DMD: variants seen among roughly 807,000 people sequenced by gnomAD.
DMD encodes the protein mutant dystrophin.
A neutral mutation model predicts 330.1 loss-of-function variants in DMD; 63 were observed. That is an observed-to-expected ratio of 0.19 (90% CI 0.16 to 0.24). The LOEUF is 0.24. Among genes scored for constraint, DMD ranks in the 10% least tolerant of loss-of-function variants. The probability of loss-of-function intolerance (pLI) is 1.00; values close to 1 mark genes in which losing one functional copy is unlikely to be tolerated. For missense variants in DMD, 3,344 were observed against 2,684.1 expected, an observed-to-expected ratio of 1.25 and a Z score of -5.43; for synonymous variants, 1,223 against 959.8, an observed-to-expected ratio of 1.27 and a Z score of -5.07.
chrX:32,783,975 G>A (rs1349792898), intron 7 of DMD, among the ~76,000 whole-genome samples: 3 of 91,796 alleles, frequency 3.3e-5, no homozygotes, highest in East Asian at 3.7e-4. Flanking sequence ...ATTAATGTCA[G>A]TGCAGACATG....
intron 2 of DMD, among the ~76,000 whole-genome samples, chrX:32,879,008 A>C (rs1043695413): frequency 4.0e-5 from 4 of 100,489 alleles, no homozygotes; most frequent in Non-Finnish European, 6.1e-5. Flanking sequence ...ACTACGTCTC[A>C]AAAAAAAAAC....
intron 9 of DMD, among the ~76,000 whole-genome samples, chrX:32,677,642 C>G (rs1231675159): frequency 9.0e-6 from 1 of 111,549 alleles, no homozygotes; most frequent in African/African-American, 3.3e-5. Context: ...CTATAAAAAT[C>G]CTTCATGTGT....
At chrX:32,903,093 G>T (rs1436392666) in intron 2 of DMD, among the ~76,000 whole-genome samples, 5 of 89,632 alleles carry the variant, frequency 5.6e-5, no homozygotes, top group African/African-American at 1.8e-4. Flanking sequence ...GGAGGCGGAG[G>T]TTGCAGCCCA....
intron 13 of DMD, among the ~76,000 whole-genome samples, chrX:32,577,468 C>A (rs990301624): frequency 8.9e-6 from 1 of 112,001 alleles, no homozygotes; most frequent in African/African-American, 3.2e-5. Flanking sequence ...AATACCAACC[C>A]GTTAAAGAAT....
chrX:33,305,245 T>G (rs375561228), intron 1 of DMD, among the ~76,000 whole-genome samples: 10 of 106,171 alleles, frequency 9.4e-5, no homozygotes, highest in Non-Finnish European at 1.2e-4. Flanking sequence ...CCATAAAAAA[T>G]GATGAGTTCA....
At chrX:31,953,535 C>A in intron 45 of DMD, among the ~76,000 whole-genome samples, 1 of 111,683 alleles carries the variant, frequency 9.0e-6, no homozygotes, top group Non-Finnish European at 1.9e-5. Context: ...TTTAATTTAG[C>A]ATATGCCGTT....
intron 9 of DMD, among the ~76,000 whole-genome samples, chrX:32,648,562 T>C (rs1462040380): frequency 8.9e-6 from 1 of 111,803 alleles, no homozygotes; most frequent in African/African-American, 3.2e-5. Context: ...TATGTATATG[T>C]ATATATGTTC....
At chrX:33,099,631 G>A (rs1239320084) in intron 1 of DMD, among the ~76,000 whole-genome samples, 3 of 111,806 alleles carry the variant, frequency 2.7e-5, no homozygotes, top group African/African-American at 6.5e-5. Flanking sequence ...AACAAATTTT[G>A]TATGAACTTG....
At chrX:33,068,645 T>C (rs750439982) in intron 1 of DMD, among the ~76,000 whole-genome samples, 3 of 112,616 alleles carry the variant, frequency 2.7e-5, no homozygotes, top group Non-Finnish European at 5.6e-5. Context: ...CACACACATA[T>C]ACACAACACA....
chrX:33,014,674 G>T (rs2093765888), intron 2 of DMD, among the ~76,000 whole-genome samples: 1 of 111,090 alleles, frequency 9.0e-6, no homozygotes, highest in Admixed American at 9.6e-5. Context: ...AAAATATCAT[G>T]TTCTCAAGAA....
intron 60 of DMD, among the ~76,000 whole-genome samples, chrX:31,435,044 T>C (rs549805133): frequency 2.7e-5 from 3 of 111,513 alleles, no homozygotes; most frequent in African/African-American, 6.5e-5. Flanking sequence ...AGGCAGACTG[T>C]CTGGGTTCAA....
At chrX:31,933,957 C>A (rs2094890978) in intron 45 of DMD, among the ~76,000 whole-genome samples, 1 of 76,339 alleles carries the variant, frequency 1.3e-5, no homozygotes, top group South Asian at 4.6e-4. Context: ...GAATGATTAG[C>A]TATTTTTTTT....
chrX:32,121,620 CATATATATATAT>C (rs10535803), intron 44 of DMD, among the ~76,000 whole-genome samples: 914 of 36,416 alleles, frequency 0.025, 36 homozygotes, highest in Middle Eastern at 0.077. Context: ...AATATGTGTG[CATATATATATAT>C]ATATATATAT....
chrX:32,311,809 T>A (rs1603630466), intron 41 of DMD, among the ~76,000 whole-genome samples: 1 of 111,967 alleles, frequency 8.9e-6, no homozygotes, highest in African/African-American at 3.2e-5. Context: ...AGCAGGCTAT[T>A]TGAATGTGAA....
chrX:32,022,399 C>A (rs755442321), intron 44 of DMD, among the ~76,000 whole-genome samples: 3 of 112,187 alleles, frequency 2.7e-5, no homozygotes, highest in Non-Finnish European at 3.8e-5. Context: ...GGAACTCAAT[C>A]TGACCATACA....
intron 42 of DMD, among the ~76,000 whole-genome samples, chrX:32,293,032 G>A (rs1214320125): frequency 8.9e-6 from 1 of 112,537 alleles, no homozygotes; most frequent in African/African-American, 3.2e-5. Flanking sequence ...TTCTCTTCCA[G>A]TCTATGTACA....
intron 43 of DMD, among the ~76,000 whole-genome samples, chrX:32,247,679 C>G: frequency 9.0e-6 from 1 of 111,362 alleles, no homozygotes; most frequent in African/African-American, 3.3e-5. Context: ...ACTGAGACCC[C>G]CAAACTGTGT....
intron 52 of DMD, among the ~76,000 whole-genome samples, chrX:31,688,779 G>C (rs923031160): frequency 4.5e-5 from 5 of 111,521 alleles, no homozygotes; most frequent in African/African-American, 1.6e-4. Context: ...CCATGATCAA[G>C]TGGGCTTCAT....
rs1569553664 is a variant in DMD at position 32,252,765 on chromosome X, T to TAA, written c.6290+34763_6290+34764insTT. Reference sequence around the variant, plus strand: ...ATATAAATATATATAAATATATAAATATATATAAATATATATAAATATATA... The same window carrying TAA: ...ATATAAATATATATAAATATATAAATAAATATATAAATATATATAAATATATA... On this transcript the variant is annotated intron_variant, in intron 43 of 78. Coordinates refer to ENST00000357033, the MANE Select transcript of DMD (RefSeq NM_004006.3). Among the ~76,000 whole-genome samples, 267 of 38,718 alleles carry TAA rather than the reference T, an allele frequency of 6.9e-3. 10 individuals carry two copies. The highest frequency in any genetic ancestry group is 0.047 in the African/African-American group (247 of 5,276). 33.6% of individuals were successfully genotyped at this position (38,718 alleles called of 115,157 possible). A position where few individuals can be genotyped will look rare whatever the true frequency, so the allele number is the denominator to read the frequency against.
Sources: allele counts gnomAD v4.1 joint callset (sites outside exome capture counted in the v4.1 genomes callset), GRCh38; gene constraint gnomAD v4.1.1; transcripts MANE v1.5; gene names NCBI Gene and HGNC (gene_info 2026-07-23, HGNC 2026-07-21).